GRIP1: variants seen among roughly 807,000 people sequenced by gnomAD.
GRIP1 encodes glutamate receptor-interacting protein 1.
In GRIP1, 45 loss-of-function variants were observed where a neutral mutation model predicts 129.9. The ratio of observed to expected loss-of-function variants is 0.35; its 90% CI spans 0.27 to 0.44. The LOEUF (loss-of-function observed/expected upper bound fraction) is 0.44. Ranked by LOEUF, GRIP1 falls within the 20% of genes least tolerant of loss-of-function variation. GRIP1 has a pLI of 1.00. For synonymous variants in GRIP1, 530 were observed against 520.8 expected, an observed-to-expected ratio of 1.02 and a Z score of -0.24; for missense variants, 1,196 against 1,396.8, an observed-to-expected ratio of 0.86 and a Z score of 2.29.
intron 15 of GRIP1, among the ~76,000 whole-genome samples, chr12:66,411,011 C>A (rs568054570): frequency 6.6e-6 from 1 of 152,102 alleles, no homozygotes; most frequent in Non-Finnish European, 1.5e-5. Context: ...TGGGATGGAG[C>A]CCCTTGCAGG....
chr12:66,432,475 A>T (rs571524919), intron 14 of GRIP1, 73 bp downstream of exon 14: 1 of 885,202 alleles, frequency 1.1e-6, no homozygotes, highest in South Asian at 1.4e-5. Context: ...CATTTGTTAC[A>T]CCTGCAAACC....
chr12:66,593,207 C>T (rs914055849), intron 2 of GRIP1, among the ~76,000 whole-genome samples: 3 of 152,086 alleles, frequency 2.0e-5, no homozygotes, highest in Admixed American at 6.5e-5. Context: ...TCTCCTTTAT[C>T]GAAAGCAAAC....
intron 1 of GRIP1, among the ~76,000 whole-genome samples, chr12:66,924,444 A>C (rs2041263774): frequency 6.6e-6 from 1 of 152,174 alleles, no homozygotes; most frequent in Non-Finnish European, 1.5e-5. Context: ...TGTCTGTGCA[A>C]CTTCCTTAGA....
intron 1 of GRIP1, among the ~76,000 whole-genome samples, chr12:66,704,977 T>C (rs1417627738): frequency 6.6e-6 from 1 of 152,106 alleles, no homozygotes; most frequent in African/African-American, 2.4e-5. Flanking sequence ...TTCTCTTGTC[T>C]AGATGTCTTA....
intron 4 of GRIP1, among the ~76,000 whole-genome samples, chr12:66,533,593 C>T (rs1474375242): frequency 1.3e-5 from 2 of 151,882 alleles, no homozygotes; most frequent in African/African-American, 2.4e-5. Flanking sequence ...TGCAGTGAGC[C>T]GAGATTGTGC....
chr12:66,719,441 AAG>A (rs1346112532), intron 1 of GRIP1, among the ~76,000 whole-genome samples: 1 of 152,192 alleles, frequency 6.6e-6, no homozygotes, highest in Non-Finnish European at 1.5e-5. Flanking sequence ...AATGACTTCT[AAG>A]AGCCAACTAA....
chr12:66,492,650 G>C (rs1166001247), intron 7 of GRIP1, among the ~76,000 whole-genome samples: 1 of 152,154 alleles, frequency 6.6e-6, no homozygotes, highest in Non-Finnish European at 1.5e-5. Flanking sequence ...AGAAGAATTT[G>C]ATATAGCTAG....
intron 2 of GRIP1, among the ~76,000 whole-genome samples, chr12:66,585,998 C>A (rs545817695): frequency 1.3e-5 from 2 of 152,090 alleles, no homozygotes; most frequent in African/African-American, 4.8e-5. Context: ...CTATATCATC[C>A]GCATCAGCAC....
At chr12:66,885,355 G>T (rs2040548230) in intron 1 of GRIP1, among the ~76,000 whole-genome samples, 1 of 152,118 alleles carries the variant, frequency 6.6e-6, no homozygotes, top group African/African-American at 2.4e-5. Flanking sequence ...ACATCCCATG[G>T]CCCCTTCAGA....
At chr12:66,365,280 A>C (rs182013439) in intron 23 of GRIP1, among the ~76,000 whole-genome samples, 252 of 152,246 alleles carry the variant, frequency 1.7e-3, no homozygotes, top group African/African-American at 5.3e-3. Flanking sequence ...TACTAAAAAT[A>C]CAAAAAATTA....
intron 1 of GRIP1, among the ~76,000 whole-genome samples, chr12:66,799,166 T>A (rs1280562875): frequency 6.6e-6 from 1 of 151,818 alleles, no homozygotes; most frequent in African/African-American, 2.4e-5. Context: ...AACTTTAGTA[T>A]TTCTTTATTC....
intron 1 of GRIP1, among the ~76,000 whole-genome samples, chr12:66,645,582 G>A (rs2032295147): frequency 6.6e-6 from 1 of 152,150 alleles, no homozygotes; most frequent in Non-Finnish European, 1.5e-5. Flanking sequence ...AATCAATGCT[G>A]GGATGTGTTT....
chr12:66,455,603 G>A, intron 10 of GRIP1, 39 bp from the exon 11 acceptor site: 1 of 1,592,754 alleles, frequency 6.3e-7, no homozygotes, highest in Non-Finnish European at 8.6e-7. Context: ...GCACTCTCAG[G>A]TGAGGTGTGA....
intron 23 of GRIP1, among the ~76,000 whole-genome samples, chr12:66,370,154 T>G (rs1399665867): frequency 1.3e-5 from 2 of 152,172 alleles, no homozygotes; most frequent in Non-Finnish European, 2.9e-5. Flanking sequence ...CTCTGCATAG[T>G]CAACATCTAC....
intron 1 of GRIP1, among the ~76,000 whole-genome samples, chr12:67,023,420 T>C (rs185451537): frequency 9.8e-5 from 15 of 152,354 alleles, no homozygotes; most frequent in Non-Finnish European, 1.8e-4. Flanking sequence ...TGCACTTTTA[T>C]CAAAAAGTAG....
At chr12:66,373,948 C>G (rs2055659111) in intron 22 of GRIP1, among the ~76,000 whole-genome samples, 1 of 152,162 alleles carries the variant, frequency 6.6e-6, no homozygotes, top group South Asian at 2.1e-4. Context: ...GACTCCAGAA[C>G]TCTTTTTCTT....
intron 9 of GRIP1, 98 bp downstream of exon 9, chr12:66,462,826 C>T (rs968443892): frequency 1.9e-5 from 12 of 642,566 alleles, no homozygotes; most frequent in Non-Finnish European, 3.2e-5. Context: ...AAAAAAAAGG[C>T]AGAATGAGAC....
At chr12:67,068,910 T>C (rs1451826873) in intron 1 of GRIP1, 3 of 121,874 alleles carry the variant, frequency 2.5e-5, no homozygotes, top group African/African-American at 1.0e-4. Flanking sequence ...CCACCTGGAT[T>C]CGCCCGCGGG....
intron 1 of GRIP1, among the ~76,000 whole-genome samples, chr12:66,899,300 CT>C (rs2040804884): frequency 6.6e-6 from 1 of 152,088 alleles, no homozygotes; most frequent in African/African-American, 2.4e-5. Context: ...TGAAATGCTG[CT>C]GTCAGGACAG....
Sources: allele counts gnomAD v4.1 joint callset (sites outside exome capture counted in the v4.1 genomes callset), GRCh38; gene constraint gnomAD v4.1.1; transcripts MANE v1.5; gene names NCBI Gene and HGNC (gene_info 2026-07-23, HGNC 2026-07-21).